Variants in UNC80 observed in about 807,000 individuals in gnomAD.
The protein encoded by UNC80 is unc-80 subunit of NALCN channel complex, also known as protein unc-80 homolog.
UNC80 carries 164 observed loss-of-function variants against 384.6 expected under a neutral mutation model. That is an observed-to-expected ratio of 0.43 (90% CI 0.38 to 0.49). UNC80 has a LOEUF of 0.49. Ranked by LOEUF, UNC80 falls within the 20% of genes least tolerant of loss-of-function variation. The pLI is 0.00. For missense variants in UNC80, 3,330 were observed against 4,143.0 expected, an observed-to-expected ratio of 0.80 and a Z score of 5.39; for synonymous variants, 1,486 against 1,527.8, an observed-to-expected ratio of 0.97 and a Z score of 0.64.
Position 209,976,156 on chromosome 2 carries a change from C to G in UNC80, c.8625C>G (p.Leu2875=), listed in dbSNP as rs755789267. The G allele has an allele frequency of 1.9e-6, 3 of 1,551,452 alleles. No individual in the cohort carries two copies. Among genetic ancestry groups the G allele is most frequent in the Non-Finnish European group, 2.6e-6 (3 of 1,146,980 alleles). Reference sequence around the variant, plus strand: ...TTCTCGTCTGCTTTGAGAGGCAGCTCGGAAGCCAGTGGTACTGGCTGAGCC... The same window carrying G: ...TTCTCGTCTGCTTTGAGAGGCAGCTGGGAAGCCAGTGGTACTGGCTGAGCC... ...KVILVCFERQ[L]GSQWYWLSLQ... The change falls in exon 57 of 65, where the codon CTC becomes CTG. Residue 2875 remains leucine (L), a synonymous_variant. Transcript: ENST00000673920. The surrounding 1 kb of genome is among the most constrained non-coding windows in gnomAD (Gnocchi z 4.3).
chr2:209,854,924 G>A (rs1010476728), intron 22 of UNC80, among the ~76,000 whole-genome samples: 2 of 152,156 alleles, frequency 1.3e-5, no homozygotes, highest in African/African-American at 4.8e-5. Flanking sequence ...AATACCATTT[G>A]ACCCAGCAAT....
At chr2:209,851,171 A>G (rs867050911) in intron 22 of UNC80, among the ~76,000 whole-genome samples, 1 of 152,116 alleles carries the variant, frequency 6.6e-6, no homozygotes, top group Middle Eastern at 3.2e-3. Flanking sequence ...TACCTATTAA[A>G]ATAGCCACAG....
In UNC80 at chr2:209,867,090, C is replaced by A. The variant is rs886485378; in HGVS notation, c.3628-5668C>A. On this transcript the variant is annotated intron_variant, in intron 22 of 64. Transcript: ENST00000673920. ...AGTTATTTTGAAATATAATGTAGCT[C>A]ATTCCTTGGCACTTTATCTGTAGGA... Among the ~76,000 whole-genome samples, 12 of 152,326 alleles carry A rather than the reference C, an allele frequency of 7.9e-5. 1 individual carries two copies. Among genetic ancestry groups the A allele is most frequent in the Middle Eastern group, 6.8e-3 (2 of 294 alleles).
At chr2:209,809,475 C>G in intron 7 of UNC80, 1 of 1,399,534 alleles carries the variant, frequency 7.1e-7, no homozygotes, top group Non-Finnish European at 1.0e-6. Context: ...TCCAGACCCA[C>G]TTGGACGTCA....
intron 46 of UNC80, 146 bp downstream of exon 46, chr2:209,945,335 G>T: frequency 1.2e-6 from 1 of 802,768 alleles, no homozygotes; most frequent in Non-Finnish European, 1.8e-6. Flanking sequence ...AACAGTAGTA[G>T]AAATTGAATG....
At position 209,818,315 on chromosome 2, in the gene UNC80, C is replaced by T. The variant is rs150681712; in HGVS notation, c.1693+363C>T. 3.2e-3 allele frequency among the ~76,000 whole-genome samples: 486 copies of T among 151,418 alleles called. 2 individuals carry two copies. The highest frequency in any genetic ancestry group is 0.014 in the Middle Eastern group (4 of 294). On this transcript the variant is annotated intron_variant, in intron 11 of 64. Transcript: ENST00000673920. Reference sequence around the variant, plus strand: ...TGTATACCTTCAGCGGGAGGAAAGTCACTGCCTTCCAAGGCCACCAATTTT... The same window carrying T: ...TGTATACCTTCAGCGGGAGGAAAGTTACTGCCTTCCAAGGCCACCAATTTT...
intron 4 of UNC80, among the ~76,000 whole-genome samples, chr2:209,778,450 A>G (rs1389978076): frequency 2.0e-5 from 3 of 152,222 alleles, no homozygotes; most frequent in African/African-American, 7.2e-5. Flanking sequence ...GGACTTTTAG[A>G]CAGTAGGGTA....
intron 51 of UNC80, 92 bp from the exon 52 acceptor site, chr2:209,967,345 G>C: frequency 1.1e-6 from 1 of 891,090 alleles, no homozygotes; most frequent in East Asian, 3.1e-5. Flanking sequence ...TGGTCTGGAA[G>C]GGGTGATTAA....
At chr2:209,979,405 T>G (rs1022249873) in intron 59 of UNC80, among the ~76,000 whole-genome samples, 1 of 152,222 alleles carries the variant, frequency 6.6e-6, no homozygotes. Context: ...TGATTGGAAC[T>G]TAAATGGCCT....
chr2:209,969,616 C>A (rs1285892510), intron 52 of UNC80, 152 bp from the exon 53 acceptor site: 7 of 1,037,186 alleles, frequency 6.7e-6, no homozygotes, highest in Admixed American at 6.1e-5. Context: ...CTTCCCCTCC[C>A]AGTATGCTCT....
chr2:209,815,873 A>G (rs1371059300), intron 9 of UNC80, among the ~76,000 whole-genome samples: 1 of 152,228 alleles, frequency 6.6e-6, no homozygotes. Context: ...CTAGTTAAAT[A>G]CGTTATATTT....
chr2:209,892,468 G>T (rs375105629), intron 26 of UNC80, among the ~76,000 whole-genome samples: 1 of 152,230 alleles, frequency 6.6e-6, no homozygotes, highest in Non-Finnish European at 1.5e-5. Flanking sequence ...AATAACCAGT[G>T]CCATAATTCT....
At chr2:209,972,085 C>G in intron 54 of UNC80, 116 bp from the exon 55 acceptor site, 1 of 1,292,566 alleles carries the variant, frequency 7.7e-7, no homozygotes, top group South Asian at 1.6e-5. Flanking sequence ...CAATTGAACT[C>G]ATAGTTTACA....
chr2:209,812,926 T>TA (rs1387240034), intron 7 of UNC80, among the ~76,000 whole-genome samples: 1 of 152,326 alleles, frequency 6.6e-6, no homozygotes, highest in African/African-American at 2.4e-5. Context: ...TTGAGATTTT[T>TA]AAAAAATTAG....
chr2:209,957,854 G>A, intron 49 of UNC80, 118 bp downstream of exon 49: 2 of 850,738 alleles, frequency 2.4e-6, no homozygotes, highest in East Asian at 2.9e-5. Context: ...AACCTCCAAG[G>A]AAAAGAAAAG....
chr2:209,874,268 A>C (rs1184441282), intron 23 of UNC80, among the ~76,000 whole-genome samples: 3 of 152,216 alleles, frequency 2.0e-5, no homozygotes, highest in African/African-American at 7.2e-5. Context: ...TAGAGGCACC[A>C]GTAATCTCTT....
rs76112325 is a variant in UNC80, at chr2:209,914,785, C to G, written c.5029+845C>G. ...GCTGTAAGTGCACTTTGAATTTTTT[C>G]ATTTATATCTAGAAGACTGTTTTTA... On this transcript the variant is annotated intron_variant, in intron 31 of 64. Coordinates refer to ENST00000673920, the MANE Select transcript of UNC80 (RefSeq NM_001371986.1). Among the ~76,000 whole-genome samples the G allele has an allele frequency of 1.1e-3, 165 of 151,658 alleles. No individual in the cohort carries two copies. In the East Asian group the frequency reaches 0.014, roughly 13 times the overall value.
At chr2:209,886,753 T>A (rs936718878) in intron 25 of UNC80, among the ~76,000 whole-genome samples, 1 of 152,342 alleles carries the variant, frequency 6.6e-6, no homozygotes, top group East Asian at 1.9e-4. Flanking sequence ...CTATCTTTAC[T>A]TAATCCTCAA....
At chr2:209,885,428 T>G (rs1027420203) in intron 25 of UNC80, among the ~76,000 whole-genome samples, 1 of 152,192 alleles carries the variant, frequency 6.6e-6, no homozygotes, top group Non-Finnish European at 1.5e-5. Flanking sequence ...ACGTAGGATT[T>G]GGACAAGCAG....
Sources: gnomAD v4.1 joint callset for allele counts (sites outside exome capture counted in the v4.1 genomes callset) on GRCh38, gnomAD v4.1.1 for gene constraint, Gnocchi (gnomAD v3.1) non-coding constraint, MANE v1.5 for transcripts, NCBI Gene and HGNC (gene_info 2026-07-23, HGNC 2026-07-21) for gene names.